Variants in FSTL5 observed in about 807,000 individuals in gnomAD.
FSTL5 encodes the protein follistatin-related protein 5.
In FSTL5, 62 loss-of-function variants were observed where a neutral mutation model predicts 89.1. The ratio of observed to expected loss-of-function variants is 0.70; its 90% CI spans 0.57 to 0.86. The LOEUF (loss-of-function observed/expected upper bound fraction) is 0.86, where lower values mean the gene tolerates loss of function less well. FSTL5 is among the 40% of genes least tolerant of loss of function. The probability of loss-of-function intolerance (pLI) is 0.00; values close to 1 mark genes in which losing one functional copy is unlikely to be tolerated. For synonymous variants in FSTL5, 383 were observed against 346.2 expected (o/e 1.11, Z -1.18); for missense variants, 1,057 against 1,001.6 (o/e 1.06, Z -0.75).
intron 8 of FSTL5, among the ~76,000 whole-genome samples, chr4:161,571,480 A>G (rs560090704): frequency 7.2e-5 from 11 of 152,302 alleles, no homozygotes; most frequent in East Asian, 3.9e-4. Flanking sequence ...CACATCAAAA[A>G]GAAGGCTAAA....
chr4:161,586,621 T>C (rs1040189391), intron 8 of FSTL5, among the ~76,000 whole-genome samples: 6 of 152,230 alleles, frequency 3.9e-5, no homozygotes, highest in African/African-American at 1.4e-4. Context: ...TATTCATTTA[T>C]TTTAAAATAA....
At chr4:162,012,400 A>G (rs1736795398) in intron 3 of FSTL5, among the ~76,000 whole-genome samples, 1 of 152,228 alleles carries the variant, frequency 6.6e-6, no homozygotes, top group Admixed American at 6.5e-5. Context: ...ATATAACCTT[A>G]GATATCTGAA....
intron 1 of FSTL5, among the ~76,000 whole-genome samples, chr4:162,126,443 A>T (rs1732083503): frequency 6.6e-6 from 1 of 152,114 alleles, no homozygotes; most frequent in African/African-American, 2.4e-5. Context: ...ATTCTTTTGT[A>T]GGCAATGTGT....
chr4:161,701,226 T>G (rs1738376996), intron 6 of FSTL5, among the ~76,000 whole-genome samples: 1 of 152,198 alleles, frequency 6.6e-6, no homozygotes, highest in Non-Finnish European at 1.5e-5. Context: ...CCTATGCCTA[T>G]GCATAATTTG....
chr4:161,390,742 TCG>T (rs1730794227), intron 15 of FSTL5, among the ~76,000 whole-genome samples: 1 of 151,990 alleles, frequency 6.6e-6, no homozygotes, highest in African/African-American at 2.4e-5. Flanking sequence ...ACATTAAAGC[TCG>T]TAAGTATAGA....
chr4:161,591,427 G>T (rs1428786145), intron 7 of FSTL5, among the ~76,000 whole-genome samples: 5 of 152,130 alleles, frequency 3.3e-5, no homozygotes, highest in African/African-American at 1.2e-4. Flanking sequence ...AGAAAGCACT[G>T]AATTGCACAC....
chr4:161,791,273 G>A (rs996616778), intron 4 of FSTL5, among the ~76,000 whole-genome samples: 1 of 152,016 alleles, frequency 6.6e-6, no homozygotes, highest in African/African-American at 2.4e-5. Flanking sequence ...GAGCAAAAGC[G>A]ATCATTTACA....
At chr4:161,525,794 T>C (rs1007714952) in intron 10 of FSTL5, among the ~76,000 whole-genome samples, 1 of 152,182 alleles carries the variant, frequency 6.6e-6, no homozygotes, top group Non-Finnish European at 1.5e-5. Flanking sequence ...TTTTCATATC[T>C]CACCAAGTCT....
intron 1 of FSTL5, among the ~76,000 whole-genome samples, chr4:162,120,178 T>C (rs189652950): frequency 1.3e-5 from 2 of 152,250 alleles, no homozygotes; most frequent in East Asian, 3.9e-4. Context: ...AATAATTGCA[T>C]TGTTATTTTA....
chr4:162,132,527 C>T (rs1003026530), intron 1 of FSTL5, among the ~76,000 whole-genome samples: 12 of 152,046 alleles, frequency 7.9e-5, no homozygotes, highest in African/African-American at 2.4e-4. Flanking sequence ...ACACTCACCG[C>T]GAGGGTCCGT....
At chr4:161,864,870 C>CAAAAAAAAAAAAAAAAAAAAAAAA (rs10636039) in intron 4 of FSTL5, among the ~76,000 whole-genome samples, 1 of 92,392 alleles carries the variant, frequency 1.1e-5, no homozygotes, top group Non-Finnish European at 2.0e-5. Flanking sequence ...GACTTCGTCT[C>CAAAAAAAAAAAAAAAAAAAAAAAA]AAAAAAAAAA....
intron 12 of FSTL5, among the ~76,000 whole-genome samples, chr4:161,490,570 C>A (rs1405450770): frequency 6.6e-6 from 1 of 151,916 alleles, no homozygotes; most frequent in Non-Finnish European, 1.5e-5. Flanking sequence ...CATAATCTTA[C>A]AATACAGATG....
At chr4:161,887,407 C>A (rs1732843061) in intron 4 of FSTL5, among the ~76,000 whole-genome samples, 1 of 101,542 alleles carries the variant, frequency 9.8e-6, no homozygotes, top group South Asian at 3.3e-4. Flanking sequence ...ATCTATCTAT[C>A]TATCTATCTA....
intron 10 of FSTL5, among the ~76,000 whole-genome samples, chr4:161,523,961 C>T (rs1452510828): frequency 1.3e-5 from 2 of 152,150 alleles, no homozygotes; most frequent in Middle Eastern, 3.2e-3. Context: ...TCTGAATGGA[C>T]TTCCTCCTAA....
At chr4:161,417,021 CTT>C (rs1220557863) in intron 15 of FSTL5, among the ~76,000 whole-genome samples, 1 of 151,852 alleles carries the variant, frequency 6.6e-6, no homozygotes, top group Non-Finnish European at 1.5e-5. Flanking sequence ...TTAAAAGTGT[CTT>C]GGGTTTTTAT....
chr4:161,794,689 G>A (rs944226620), intron 4 of FSTL5, among the ~76,000 whole-genome samples: 4 of 151,962 alleles, frequency 2.6e-5, no homozygotes, highest in Admixed American at 2.6e-4. Flanking sequence ...TACCTTTTAA[G>A]TTTTAGAATG....
At chr4:161,975,316 C>T (rs930578077) in intron 3 of FSTL5, among the ~76,000 whole-genome samples, 65 of 151,844 alleles carry the variant, frequency 4.3e-4, no homozygotes, top group Admixed American at 9.2e-4. Flanking sequence ...ATGTTTATTG[C>T]GGCATTATTC....
intron 4 of FSTL5, among the ~76,000 whole-genome samples, chr4:161,885,176 T>A (rs1024870263): frequency 6.6e-6 from 1 of 152,168 alleles, no homozygotes; most frequent in African/African-American, 2.4e-5. Flanking sequence ...ATTGTAAAAT[T>A]TGCCATTTAC....
chr4:161,675,654 A>G (rs1372679548), intron 6 of FSTL5, among the ~76,000 whole-genome samples: 1 of 151,704 alleles, frequency 6.6e-6, no homozygotes, highest in Admixed American at 6.6e-5. Context: ...AAGAAACTAT[A>G]TTTTTCTCCT....
Sources: allele counts gnomAD v4.1 joint callset (sites outside exome capture counted in the v4.1 genomes callset), GRCh38; gene constraint gnomAD v4.1.1; transcripts MANE v1.5; gene names NCBI Gene and HGNC (gene_info 2026-07-23, HGNC 2026-07-21).